The following FAM53B variants were observed in gnomAD, a reference collection of about 807,000 sequenced individuals.
FAM53B encodes the protein protein FAM53B.
Under a neutral mutation model 32.7 loss-of-function variants are expected in FAM53B, and 12 were observed. The observed-to-expected ratio is 0.37, with a 90% confidence interval of 0.24 to 0.59. FAM53B has a LOEUF of 0.59. Ranked by LOEUF, FAM53B falls within the 20% of genes least tolerant of loss-of-function variation. The probability of loss-of-function intolerance (pLI) is 0.72; values close to 1 mark genes in which losing one functional copy is unlikely to be tolerated. For missense variants in FAM53B, 477 were observed against 577.7 expected (o/e 0.83, Z 1.79); for synonymous variants, 234 against 228.7 (o/e 1.02, Z -0.21).
At chr10:124,643,420 T>C (rs1472167473) in intron 4 of FAM53B, among the ~76,000 whole-genome samples, 1 of 152,260 alleles carries the variant, frequency 6.6e-6, no homozygotes, top group Non-Finnish European at 1.5e-5. Context: ...GCGCGGTGAT[T>C]GCGCCTGGCT....
intron 1 of FAM53B, among the ~76,000 whole-genome samples, chr10:124,743,368 G>A (rs1817665896): frequency 1.3e-5 from 2 of 152,118 alleles, no homozygotes; most frequent in South Asian, 2.1e-4. Context: ...CAAAAGCCAC[G>A]CCGGCGCGGA....
At chr10:124,679,262 C>T (rs1211789551) in intron 4 of FAM53B, among the ~76,000 whole-genome samples, 1 of 152,090 alleles carries the variant, frequency 6.6e-6, no homozygotes, top group Admixed American at 6.5e-5. Flanking sequence ...CTCAGTGGTC[C>T]CAAATGTTGA....
Position 124,667,054 on chromosome 10 carries a change from C to G in FAM53B, c.906+14553G>C, listed in dbSNP as rs2134060310. On this transcript the variant is annotated intron_variant, in intron 4 of 4. Transcript: ENST00000337318. Reference sequence around the variant, plus strand: ...CCCCAACCCCCCCACACTCTTATACCCGTACCCCAAAGCCCCACTCAGCAA... The same window carrying G: ...CCCCAACCCCCCCACACTCTTATACGCGTACCCCAAAGCCCCACTCAGCAA... The G allele has an allele frequency of 1.0e-5, 3 of 301,388 alleles. 1 individual carries two copies. The South Asian group carries it at 1.1e-4, about 11-fold the overall frequency. The allele number at this position is 301,388 out of a possible 1,614,324, so 18.7% of individuals were successfully genotyped here.
intron 4 of FAM53B, among the ~76,000 whole-genome samples, chr10:124,647,551 A>C (rs1949525642): frequency 6.6e-6 from 1 of 152,234 alleles, no homozygotes; most frequent in South Asian, 2.1e-4. Flanking sequence ...CTGTCCTCAG[A>C]ACAAGTGTGA....
chr10:124,628,938 T>C (rs1415165267), intron 4 of FAM53B, among the ~76,000 whole-genome samples: 1 of 152,244 alleles, frequency 6.6e-6, no homozygotes, highest in East Asian at 1.9e-4. Context: ...CTCGCCTCCC[T>C]GAAGGTTCTT....
chr10:124,631,150 C>T (rs1949388522), intron 4 of FAM53B, among the ~76,000 whole-genome samples: 1 of 152,244 alleles, frequency 6.6e-6, no homozygotes, highest in African/African-American at 2.4e-5. Flanking sequence ...GCTGTCCCCG[C>T]TCTGGTGGCT....
At chr10:124,713,921 ACAG>A (rs1199332057) in intron 1 of FAM53B, 2 of 152,222 alleles carry the variant, frequency 1.3e-5, no homozygotes, top group African/African-American at 4.8e-5. Context: ...GGAGGGGAAG[ACAG>A]CAATTCCACA....
chr10:124,739,043 C>CAAAAAAAA (rs374990179), intron 1 of FAM53B, among the ~76,000 whole-genome samples: 6 of 107,676 alleles, frequency 5.6e-5, no homozygotes, highest in East Asian at 2.6e-4. Context: ...CTCCAAAAAA[C>CAAAAAAAA]AAAAAAAAAA....
intron 4 of FAM53B, among the ~76,000 whole-genome samples, chr10:124,676,464 C>T (rs1338073177): frequency 6.6e-6 from 1 of 152,204 alleles, no homozygotes; most frequent in East Asian, 1.9e-4. Flanking sequence ...GGGCCTGCCG[C>T]ACAGGAACTT....
intron 4 of FAM53B, among the ~76,000 whole-genome samples, chr10:124,627,825 CT>C (rs757986997): frequency 6.0e-4 from 92 of 152,342 alleles, no homozygotes; most frequent in Non-Finnish European, 9.1e-4. Context: ...CTCCCTAGGG[CT>C]TCCCAGCTTG....
intron 4 of FAM53B, among the ~76,000 whole-genome samples, chr10:124,668,672 G>A (rs573051022): frequency 6.6e-6 from 1 of 152,368 alleles, no homozygotes; most frequent in East Asian, 1.9e-4. Flanking sequence ...GGAGGCACAA[G>A]AGCAAAGAGG....
chr10:124,726,002 C>T (rs956982840), intron 1 of FAM53B, among the ~76,000 whole-genome samples: 1 of 152,094 alleles, frequency 6.6e-6, no homozygotes, highest in Non-Finnish European at 1.5e-5. Context: ...AGCGTGGACC[C>T]GGATCAGTAG....
intron 4 of FAM53B, among the ~76,000 whole-genome samples, chr10:124,648,217 C>A (rs933071227): frequency 5.3e-5 from 8 of 152,226 alleles, no homozygotes; most frequent in Non-Finnish European, 1.2e-4. Context: ...GCTCTGGGAG[C>A]GTCTGTTGGA....
chr10:124,647,176 G>C lies in FAM53B; in HGVS notation c.907-23572C>G, dbSNP rs1382839309. ...GCTGGGCACTCTGCCAAGCACGTGG[G>C]GAAAATATCATCTCATTTAATGTGT... On this transcript the variant is annotated intron_variant, in intron 4 of 4. Coordinates refer to ENST00000337318, the MANE Select transcript of FAM53B (RefSeq NM_014661.4). Among the ~76,000 whole-genome samples the C allele has an allele frequency of 6.6e-4, 101 of 152,262 alleles. 1 individual carries two copies. Among genetic ancestry groups the C allele is most frequent in the Non-Finnish European group, 2.8e-4 (19 of 68,026 alleles).
chr10:124,703,130 C>T (rs1180538480), intron 2 of FAM53B, among the ~76,000 whole-genome samples: 1 of 152,104 alleles, frequency 6.6e-6, no homozygotes, highest in Non-Finnish European at 1.5e-5. Context: ...CTGCAAGCTC[C>T]GCCTCCCAGG....
intron 1 of FAM53B, among the ~76,000 whole-genome samples, chr10:124,741,519 CA>C (rs1439657578): frequency 6.6e-6 from 1 of 152,196 alleles, no homozygotes; most frequent in African/African-American, 2.4e-5. Context: ...CTCTGGCCTC[CA>C]AAAGGGGAGG....
At chr10:124,636,859 T>A (rs897155589) in intron 4 of FAM53B, among the ~76,000 whole-genome samples, 14 of 151,762 alleles carry the variant, frequency 9.2e-5, no homozygotes, top group Non-Finnish European at 1.6e-4. Flanking sequence ...CCGCTCCCAC[T>A]GGCCGTGTTT....
rs892942270 is a variant in FAM53B at position 124,733,497 on chromosome 10, C to T, written c.-175+10516G>A. Among the ~76,000 whole-genome samples the T allele has an allele frequency of 3.9e-5, 6 of 152,064 alleles. No individual in the cohort carries two copies. The highest frequency in any genetic ancestry group is 2.1e-4 in the South Asian group (1 of 4,820). On this transcript the variant is annotated intron_variant, in intron 1 of 4. Transcript: ENST00000337318. This position sits in a 1 kb window ranked among gnomAD's most constrained non-coding sequence, Gnocchi z 4.3. ...AGCTCCCTCTTCCATCGCACCAACA[C>T]GGTTAGGTGCCTGTTTTTCCCTTTA...
At chr10:124,634,794 G>T in intron 4 of FAM53B, among the ~76,000 whole-genome samples, 1 of 152,198 alleles carries the variant, frequency 6.6e-6, no homozygotes, top group East Asian at 1.9e-4. Flanking sequence ...GACGGGGAGT[G>T]ACTGCTAAGG....
Sources: allele counts gnomAD v4.1 joint callset (sites outside exome capture counted in the v4.1 genomes callset), GRCh38; gene constraint gnomAD v4.1.1; non-coding constraint Gnocchi (gnomAD v3.1); transcripts MANE v1.5; gene names NCBI Gene and HGNC (gene_info 2026-07-23, HGNC 2026-07-21).